HECW2: variants seen among roughly 807,000 people sequenced by gnomAD.
HECW2 encodes the protein HECT, C2 and WW domain containing E3 ubiquitin protein ligase 2.
HECW2 carries 61 observed loss-of-function variants against 175.2 expected under a neutral mutation model. That is an observed-to-expected ratio of 0.35 (90% CI 0.28 to 0.43). The LOEUF (loss-of-function observed/expected upper bound fraction) is 0.43, where lower values mean the gene tolerates loss of function less well. Ranked by LOEUF, HECW2 falls within the 20% of genes least tolerant of loss-of-function variation. The pLI, the probability that HECW2 is intolerant of heterozygous loss-of-function variation, is 1.00. For synonymous variants in HECW2, 671 were observed against 731.0 expected (o/e 0.92, Z 1.32); for missense variants, 1,524 against 2,000.5 (o/e 0.76, Z 4.54).
At chr2:196,277,607 C>A (rs1690006757) in intron 15 of HECW2, among the ~76,000 whole-genome samples, 1 of 152,128 alleles carries the variant, frequency 6.6e-6, no homozygotes, top group South Asian at 2.1e-4. Flanking sequence ...ACCATTTGAC[C>A]CAGCCATCCC....
At chr2:196,442,352 G>C (rs1413834367) in intron 1 of HECW2, among the ~76,000 whole-genome samples, 2 of 152,144 alleles carry the variant, frequency 1.3e-5, no homozygotes, top group African/African-American at 4.8e-5. Flanking sequence ...TGAAAATGCA[G>C]TGAGAAACAA....
intron 2 of HECW2, among the ~76,000 whole-genome samples, chr2:196,394,559 G>C (rs1015053245): frequency 1.4e-5 from 2 of 138,246 alleles, no homozygotes; most frequent in African/African-American, 5.2e-5. Flanking sequence ...AGGCAGACAC[G>C]AGAGCCAGAA....
chr2:196,511,000 C>G (rs1299567370), intron 1 of HECW2, among the ~76,000 whole-genome samples: 2 of 152,148 alleles, frequency 1.3e-5, no homozygotes, highest in African/African-American at 4.8e-5. Flanking sequence ...GGGTCTCACT[C>G]TGTCGCCCAG....
chr2:196,558,042 T>A (rs1038664368), intron 1 of HECW2, among the ~76,000 whole-genome samples: 3 of 152,212 alleles, frequency 2.0e-5, no homozygotes, highest in Non-Finnish European at 2.9e-5. Context: ...AGGTAGATAC[T>A]AATCCTATGG....
At chr2:196,564,346 CATAAA>C (rs1327248806) in intron 1 of HECW2, among the ~76,000 whole-genome samples, 1 of 151,918 alleles carries the variant, frequency 6.6e-6, no homozygotes, top group East Asian at 1.9e-4. Flanking sequence ...GATAATTCAA[CATAAA>C]ATGTACATGA....
At chr2:196,507,430 G>A (rs1298224541) in intron 1 of HECW2, among the ~76,000 whole-genome samples, 3 of 152,184 alleles carry the variant, frequency 2.0e-5, no homozygotes, top group African/African-American at 7.2e-5. Context: ...GGGAAATTTA[G>A]CAATGTCTAG....
chr2:196,577,054 G>C (rs544330265), intron 1 of HECW2, among the ~76,000 whole-genome samples: 1 of 152,280 alleles, frequency 6.6e-6, no homozygotes, highest in South Asian at 2.1e-4. Context: ...AACGGATTTT[G>C]TCAAGGCAAG....
chr2:196,296,167 T>C (rs1433633661), intron 13 of HECW2, among the ~76,000 whole-genome samples: 1 of 152,210 alleles, frequency 6.6e-6, no homozygotes, highest in East Asian at 1.9e-4. Flanking sequence ...TGTATATATA[T>C]ATGTAATTTA....
chr2:196,232,303 A>T (rs1172793088), intron 21 of HECW2, among the ~76,000 whole-genome samples: 1 of 152,222 alleles, frequency 6.6e-6, no homozygotes, highest in Admixed American at 6.5e-5. Flanking sequence ...GTATTTTAAT[A>T]ATACTGCACT....
chr2:196,297,756 G>A (rs1309806866), intron 13 of HECW2, among the ~76,000 whole-genome samples: 1 of 152,150 alleles, frequency 6.6e-6, no homozygotes, highest in Non-Finnish European at 1.5e-5. Flanking sequence ...ATTCACAAGG[G>A]AGCAGATTTG....
intron 1 of HECW2, among the ~76,000 whole-genome samples, chr2:196,550,312 AT>A: frequency 6.6e-6 from 1 of 152,086 alleles, no homozygotes; most frequent in Non-Finnish European, 1.5e-5. Context: ...TCTGATTGTA[AT>A]TTAAATACAA....
intron 5 of HECW2, 119 bp from the exon 6 acceptor site, chr2:196,325,268 A>C: frequency 3.1e-6 from 2 of 652,978 alleles, no homozygotes; most frequent in Non-Finnish European, 5.0e-6. Flanking sequence ...TGTCCTGATT[A>C]GAACAAGCAG....
At chr2:196,384,170 T>G (rs1694284603) in intron 2 of HECW2, among the ~76,000 whole-genome samples, 1 of 152,232 alleles carries the variant, frequency 6.6e-6, no homozygotes, top group Non-Finnish European at 1.5e-5. Context: ...TCATTAACCT[T>G]ACTCATTCAC....
At chr2:196,480,535 A>C (rs1686805542) in intron 1 of HECW2, among the ~76,000 whole-genome samples, 1 of 152,206 alleles carries the variant, frequency 6.6e-6, no homozygotes. Context: ...TTGGATGTGG[A>C]CATTGTACAA....
Position 196,255,147 on chromosome 2 carries a change from A to ATTTTTTTTTTTT in HECW2, c.3420-1130_3420-1119dup, listed in dbSNP as rs768416431. ...GTCACCACGTTCAGCTAATTTTTCT[A>ATTTTTTTTTTTT]TTTTTTTTTTTTTTTTTTTTTTTAG... On this transcript the variant is annotated intron_variant, in intron 18 of 28. Transcript: ENST00000644978. 1.6e-3 allele frequency among the ~76,000 whole-genome samples: 150 copies of ATTTTTTTTTTTT among 95,288 alleles called. 3 individuals carry two copies. Among genetic ancestry groups the ATTTTTTTTTTTT allele is most frequent in the Non-Finnish European group, 1.8e-3 (99 of 53,550 alleles). 62.5% of individuals were successfully genotyped at this position (95,288 alleles called of 152,430 possible).
At chr2:196,279,658 C>T (rs1327902298) in intron 14 of HECW2, among the ~76,000 whole-genome samples, 4 of 152,170 alleles carry the variant, frequency 2.6e-5, no homozygotes, top group African/African-American at 9.7e-5. Flanking sequence ...AAAGACATTC[C>T]CACTCTTTGG....
chr2:196,347,351 C>A (rs537084254), intron 2 of HECW2, among the ~76,000 whole-genome samples: 1 of 151,982 alleles, frequency 6.6e-6, no homozygotes, highest in Non-Finnish European at 1.5e-5. Flanking sequence ...TAAGCCACCA[C>A]GCCTGGCTAA....
At chr2:196,478,605 T>A (rs980287198) in intron 1 of HECW2, among the ~76,000 whole-genome samples, 12 of 151,784 alleles carry the variant, frequency 7.9e-5, no homozygotes, top group African/African-American at 2.9e-4. Flanking sequence ...TTTTACCTAA[T>A]CCCCACAAAC....
At chr2:196,436,175 C>A (rs1301084916) in intron 1 of HECW2, among the ~76,000 whole-genome samples, 1 of 152,036 alleles carries the variant, frequency 6.6e-6, no homozygotes, top group Non-Finnish European at 1.5e-5. Context: ...CCGACGCAGG[C>A]GGATCATGAA....
Sources: allele counts gnomAD v4.1 joint callset (sites outside exome capture counted in the v4.1 genomes callset), GRCh38; gene constraint gnomAD v4.1.1; transcripts MANE v1.5; gene names NCBI Gene and HGNC (gene_info 2026-07-23, HGNC 2026-07-21).